Variants in TMOD1 observed in about 807,000 individuals in gnomAD.
TMOD1 encodes the protein tropomodulin 1, also known as tropomodulin-1.
TMOD1 carries 17 observed loss-of-function variants against 40.6 expected under a neutral mutation model. The observed-to-expected ratio is 0.42, with a 90% CI of 0.29 to 0.63. The LOEUF (loss-of-function observed/expected upper bound fraction) is 0.63, where lower values mean the gene tolerates loss of function less well. TMOD1 is among the 20% of genes least tolerant of loss of function. The probability of loss-of-function intolerance (pLI) is 0.22; values close to 1 mark genes in which losing one functional copy is unlikely to be tolerated. For synonymous variants in TMOD1, 181 were observed against 175.0 expected (o/e 1.03, Z -0.27); for missense variants, 391 against 447.6 (o/e 0.87, Z 1.14).
chr9:97,508,249 G>C (rs767700462), intron 1 of TMOD1, among the ~76,000 whole-genome samples: 109 of 151,716 alleles, frequency 7.2e-4, no homozygotes, highest in Non-Finnish European at 9.0e-4. Flanking sequence ...AGGGCAGTGG[G>C]GCGATCTCAG....
chr9:97,576,627 T>C (rs2131277385), intron 8 of TMOD1, among the ~76,000 whole-genome samples: 1 of 139,772 alleles, frequency 7.2e-6, no homozygotes, highest in South Asian at 2.3e-4. Flanking sequence ...CCATGATGGT[T>C]ACTTTTTTTT....
chr9:97,586,882 C>T (rs1430644566), intron 8 of TMOD1, among the ~76,000 whole-genome samples: 2 of 152,212 alleles, frequency 1.3e-5, no homozygotes, highest in African/African-American at 4.8e-5. Context: ...GGTGCACGCA[C>T]CCACTGACCC....
intron 1 of TMOD1, among the ~76,000 whole-genome samples, chr9:97,505,454 T>G (rs1406885123): frequency 6.6e-6 from 1 of 152,210 alleles, no homozygotes; most frequent in Non-Finnish European, 1.5e-5. Context: ...TGATGAGTTG[T>G]GACCACTGCG....
chr9:97,576,522 T>C (rs1468436525), intron 8 of TMOD1, among the ~76,000 whole-genome samples: 1 of 152,058 alleles, frequency 6.6e-6, no homozygotes, highest in Non-Finnish European at 1.5e-5. Context: ...AAGTATAGTA[T>C]GAATTCATTT....
intron 2 of TMOD1, among the ~76,000 whole-genome samples, chr9:97,542,479 T>G (rs574728527): frequency 1.3e-5 from 2 of 152,364 alleles, no homozygotes; most frequent in South Asian, 4.1e-4. Context: ...TTAAAAAATC[T>G]GTATTATATA....
intron 4 of TMOD1, among the ~76,000 whole-genome samples, chr9:97,556,239 G>A (rs916806781): frequency 3.3e-5 from 5 of 152,278 alleles, no homozygotes; most frequent in African/African-American, 7.2e-5. Context: ...CTCAGAGGCC[G>A]AGCAGCTGAG....
At position 97,595,037 on chromosome 9, in the gene TMOD1, C is replaced by T. The variant is rs550678114; in HGVS notation, c.1015+3602C>T. 2.5e-3 allele frequency among the ~76,000 whole-genome samples: 383 copies of T among 152,260 alleles called. 2 individuals are homozygous for T. The highest frequency in any genetic ancestry group is 8.8e-3 in the African/African-American group (365 of 41,538). On this transcript the variant is annotated intron_variant, in intron 9 of 9. Transcript: ENST00000259365. ...CATTTTACAGTATTCTCAGGGAAGA[C>T]CTTTGCAGCAAGCAGCCCAGACATA...
chr9:97,534,809 C>T (rs1273817702), intron 2 of TMOD1, among the ~76,000 whole-genome samples: 1 of 152,176 alleles, frequency 6.6e-6, no homozygotes, highest in East Asian at 1.9e-4. Flanking sequence ...GGCAAGATGC[C>T]TAGGGGAGTT....
At chr9:97,524,754 A>G (rs766288638) in intron 2 of TMOD1, among the ~76,000 whole-genome samples, 1 of 152,094 alleles carries the variant, frequency 6.6e-6, no homozygotes, top group Non-Finnish European at 1.5e-5. Context: ...GAAAAAAGCC[A>G]ATGTCCCAGC....
chr9:97,573,214 A>C (rs922760126), intron 8 of TMOD1, among the ~76,000 whole-genome samples: 1 of 152,098 alleles, frequency 6.6e-6, no homozygotes, highest in Non-Finnish European at 1.5e-5. Flanking sequence ...CAAACTCTCC[A>C]AACTCCCCAC....
rs561962898 is a variant in TMOD1, at chr9:97,503,235, C to A, written c.-49+1432C>A. On this transcript the variant is annotated intron_variant, in intron 1 of 9. Coordinates refer to ENST00000259365, the MANE Select transcript of TMOD1 (RefSeq NM_003275.4). ...TGCAGTCTCCCAGCCTTTCCCATCT[C>A]TTTCCGCACCCTTCCCACTGCTCAG... is the stretch of plus-strand genomic sequence containing the variant. 5.3e-5 allele frequency among the ~76,000 whole-genome samples: 8 copies of A among 152,318 alleles called. No individual in the cohort carries two copies. In the East Asian group the frequency reaches 1.4e-3, roughly 26 times the overall value.
intron 9 of TMOD1, 77 bp downstream of exon 9, chr9:97,591,512 TTCTGTAGATGCCTC>T (rs1826001408): frequency 6.6e-7 from 1 of 1,515,052 alleles, no homozygotes; most frequent in Non-Finnish European, 8.9e-7. Flanking sequence ...TCAGGGAAAA[TTCTGTAGATGCCTC>T]TCCGAGTCTT....
chr9:97,599,494 A>T, intron 9 of TMOD1, 140 bp from the exon 10 acceptor site: 1 of 1,004,904 alleles, frequency 1.0e-6, no homozygotes, highest in Non-Finnish European at 1.5e-6. Context: ...ACTCACACAT[A>T]CTGTCCTTTC....
intron 8 of TMOD1, among the ~76,000 whole-genome samples, chr9:97,581,533 T>C (rs1485260439): frequency 6.6e-6 from 1 of 151,954 alleles, no homozygotes; most frequent in Non-Finnish European, 1.5e-5. Context: ...CTGGGTCAAA[T>C]GGTATTTCCA....
chr9:97,563,933 C>A, intron 5 of TMOD1, 105 bp from the exon 6 acceptor site: 5 of 1,431,472 alleles, frequency 3.5e-6, no homozygotes, highest in Non-Finnish European at 3.8e-6. Context: ...GTGCAGCCCT[C>A]ACGTGCCCCA....
chr9:97,569,086 T>G (rs368657972), intron 8 of TMOD1, 49 bp downstream of exon 8: 5 of 1,599,614 alleles, frequency 3.1e-6, no homozygotes, highest in Non-Finnish European at 4.3e-6. Context: ...TGCAGCTCGC[T>G]GGCCTGCAGT....
In TMOD1 at chr9:97,546,352, A is replaced by G. The variant is rs780179667; in HGVS notation, c.277+11A>G. The G allele has an allele frequency of 5.0e-6, 8 of 1,610,852 alleles. No individual in the cohort carries two copies. In the South Asian group the frequency reaches 6.6e-5, roughly 13 times the overall value. ...CAGGGGAAAAACGAGGTACTGAACA[A>G]TGTTACTGTTATAATATGCCACTCC... is the stretch of plus-strand genomic sequence containing the variant. On this transcript the variant is annotated intron_variant, in intron 3 of 9. Transcript: ENST00000259365.
At chr9:97,570,986 C>T (rs113381118) in intron 8 of TMOD1, among the ~76,000 whole-genome samples, 2 of 152,184 alleles carry the variant, frequency 1.3e-5, no homozygotes, top group East Asian at 3.9e-4. Context: ...GCTGCTGCCT[C>T]GCTCATTCTC....
At chr9:97,559,819 ATATATGTCTATCTATCTATCTATCTATC>A (rs1488613349) in intron 4 of TMOD1, among the ~76,000 whole-genome samples, 28 of 41,326 alleles carry the variant, frequency 6.8e-4, no homozygotes, top group South Asian at 2.5e-3. Flanking sequence ...ATATATATAT[ATATATGTCTATCTATCTATCTATCTATC>A]TATCTCCAGA....
Sources: gnomAD v4.1 joint callset for allele counts (sites outside exome capture counted in the v4.1 genomes callset) on GRCh38, gnomAD v4.1.1 for gene constraint, MANE v1.5 for transcripts, NCBI Gene and HGNC (gene_info 2026-07-23, HGNC 2026-07-21) for gene names.